Variants in PCDHA10 observed in about 807,000 individuals in gnomAD.
PCDHA10 encodes the protein protocadherin alpha-10.
In PCDHA10, 45 loss-of-function variants were observed where a neutral mutation model predicts 61.2. That is an observed-to-expected ratio of 0.74 (90% confidence interval 0.58 to 0.94). PCDHA10 has a LOEUF of 0.94. PCDHA10 is among the 40% of genes least tolerant of loss of function. PCDHA10 has a pLI of 0.00. For synonymous variants in PCDHA10, 602 were observed against 548.8 expected (o/e 1.10, Z -1.35); for missense variants, 1,278 against 1,236.2 (o/e 1.03, Z -0.51).
intron 1 of PCDHA10, chr5:140,883,357 T>C: frequency 6.2e-7 from 1 of 1,614,094 alleles, no homozygotes; most frequent in Non-Finnish European, 8.5e-7. Context: ...GAGAAGACAC[T>C]CAGCCTAGCG....
At chr5:140,926,731 G>C (rs1282301090) in intron 1 of PCDHA10, 9 of 1,104,780 alleles carry the variant, frequency 8.1e-6, no homozygotes, top group Middle Eastern at 3.2e-4. Flanking sequence ...GCCGGCGTTC[G>C]GGAGGCGCAA....
intron 1 of PCDHA10, among the ~76,000 whole-genome samples, chr5:140,943,822 A>T (rs2093570990): frequency 6.6e-6 from 1 of 152,220 alleles, no homozygotes; most frequent in Non-Finnish European, 1.5e-5. Context: ...GAAGAAAATG[A>T]GTTGATTGAA....
intron 1 of PCDHA10, among the ~76,000 whole-genome samples, chr5:140,941,231 C>CTTTCTTTCTTTCTT (rs1563186950): frequency 5.1e-5 from 7 of 136,876 alleles, no homozygotes; most frequent in East Asian, 2.1e-4. Context: ...TTCTTTCTTT[C>CTTTCTTTCTTTCTT]TTTCTTTCTT....
chr5:140,932,700 AT>A (rs2088549755), intron 1 of PCDHA10, among the ~76,000 whole-genome samples: 1 of 151,992 alleles, frequency 6.6e-6, no homozygotes, highest in Non-Finnish European at 1.5e-5. Context: ...AAAAACTCAT[AT>A]AGACAACACA....
chr5:140,915,864 T>A (rs1170888594), intron 1 of PCDHA10, among the ~76,000 whole-genome samples: 1 of 152,166 alleles, frequency 6.6e-6, no homozygotes. Flanking sequence ...CAAGTTTGCA[T>A]CCTTCCCTTT....
chr5:140,926,912 C>A, intron 1 of PCDHA10: 1 of 1,561,732 alleles, frequency 6.4e-7, no homozygotes. Context: ...TGTGGGGTGG[C>A]AGTTTTATGT....
At chr5:140,983,184 T>C (rs1367703446) in intron 3 of PCDHA10, among the ~76,000 whole-genome samples, 2 of 152,192 alleles carry the variant, frequency 1.3e-5, no homozygotes, top group Non-Finnish European at 2.9e-5. Flanking sequence ...CACAATTTCT[T>C]AGTTTAGAGG....
intron 1 of PCDHA10, among the ~76,000 whole-genome samples, chr5:140,944,593 T>C (rs187929896): frequency 2.6e-5 from 4 of 152,318 alleles, no homozygotes; most frequent in African/African-American, 9.6e-5. Context: ...AGAATTTCCC[T>C]GGGTAGAGTA....
chr5:140,913,526 A>T (rs1171997127), intron 1 of PCDHA10, among the ~76,000 whole-genome samples: 1 of 151,968 alleles, frequency 6.6e-6, no homozygotes, highest in Non-Finnish European at 1.5e-5. Flanking sequence ...TTATCTTTTC[A>T]AAAGATTGAC....
chr5:140,986,776 C>G (rs916981139), intron 3 of PCDHA10, among the ~76,000 whole-genome samples: 5 of 152,098 alleles, frequency 3.3e-5, no homozygotes, highest in Non-Finnish European at 7.3e-5. Context: ...AATTAGGTAG[C>G]GGAAGCCACT....
chr5:140,987,589 G>A (rs1554249335), intron 3 of PCDHA10, among the ~76,000 whole-genome samples: 1 of 152,180 alleles, frequency 6.6e-6, no homozygotes, highest in Non-Finnish European at 1.5e-5. Context: ...GGGGAGAATA[G>A]TGGTGTCTAC....
chr5:140,927,169 T>A, intron 1 of PCDHA10: 1 of 1,614,172 alleles, frequency 6.2e-7, no homozygotes, highest in Non-Finnish European at 8.5e-7. Context: ...CAAAGCTGCC[T>A]GCGTCTTGAC....
intron 1 of PCDHA10, chr5:140,882,667 C>T (rs576133039): frequency 1.2e-6 from 2 of 1,614,160 alleles, no homozygotes; most frequent in Non-Finnish European, 1.7e-6. Flanking sequence ...CGCCCATATT[C>T]CCTGAAAGCA....
intron 1 of PCDHA10, among the ~76,000 whole-genome samples, chr5:140,933,146 C>G (rs1554209206): frequency 1.3e-5 from 2 of 151,920 alleles, no homozygotes. Context: ...GATAGCCACT[C>G]ATTTTGTTCC....
At chr5:140,968,008 CT>C (rs782634586) in intron 1 of PCDHA10, 1 of 1,614,202 alleles carries the variant, frequency 6.2e-7, no homozygotes, top group Non-Finnish European at 8.5e-7. Context: ...GACTGAATGG[CT>C]TTGGAAACTC....
intron 1 of PCDHA10, among the ~76,000 whole-genome samples, chr5:140,934,787 C>A (rs1383149637): frequency 6.6e-6 from 1 of 152,096 alleles, no homozygotes; most frequent in African/African-American, 2.4e-5. Context: ...CAATCCATGT[C>A]AATTATCTTT....
chr5:140,941,111 G>T (rs1477407055), intron 1 of PCDHA10, among the ~76,000 whole-genome samples: 2 of 152,090 alleles, frequency 1.3e-5, no homozygotes, highest in Non-Finnish European at 2.9e-5. Context: ...TTACTGGAAA[G>T]ATTAGTCCTT....
chr5:140,968,276 G>A, intron 1 of PCDHA10: 1 of 1,614,070 alleles, frequency 6.2e-7, no homozygotes, highest in South Asian at 1.1e-5. Context: ...GAATGCAGAG[G>A]TGACCTACTC....
chr5:140,982,308 A>T, intron 2 of PCDHA10, 167 bp from the exon 3 acceptor site: 1 of 1,269,286 alleles, frequency 7.9e-7, no homozygotes. Context: ...ATGCTTCTGC[A>T]GTTTATGCAG....
Sources: allele counts gnomAD v4.1 joint callset (sites outside exome capture counted in the v4.1 genomes callset), GRCh38; gene constraint gnomAD v4.1.1; transcripts MANE v1.5; gene names NCBI Gene and HGNC (gene_info 2026-07-23, HGNC 2026-07-21).